ABCB4: variants seen among roughly 807,000 people sequenced by gnomAD.
The protein encoded by ABCB4 is ATP binding cassette subfamily B member 4.
A neutral mutation model predicts 145.7 loss-of-function variants in ABCB4; 76 were observed. The ratio of observed to expected loss-of-function variants is 0.52; its 90% confidence interval spans 0.43 to 0.63. ABCB4 has a LOEUF of 0.63. ABCB4 is among the 30% of genes least tolerant of loss of function. ABCB4 has a pLI of 0.00. For missense variants in ABCB4, 1,234 were observed against 1,553.1 expected (o/e 0.79, Z 3.45); for synonymous variants, 517 against 566.8 (o/e 0.91, Z 1.25).
the ABCB4 span, among the ~76,000 whole-genome samples, chr7:87,372,816 A>G: frequency 2.0e-5 from 3 of 152,220 alleles, no homozygotes; most frequent in African/African-American, 7.2e-5. Context: ...ATAACATTCT[A>G]TTTTACAGAT....
At chr7:87,385,554 T>G in the ABCB4 span, among the ~76,000 whole-genome samples, 1 of 152,206 alleles carries the variant, frequency 6.6e-6, no homozygotes, top group African/African-American at 2.4e-5. Context: ...TCTTGCAACT[T>G]TACTGAATTT....
chr7:87,419,446 T>C (rs1291392560), intron 19 of ABCB4, among the ~76,000 whole-genome samples: 1 of 152,218 alleles, frequency 6.6e-6, no homozygotes, highest in Non-Finnish European at 1.5e-5. Flanking sequence ...TAATGGATTA[T>C]ACAGTACCAG....
chr7:87,407,904 G>A, intron 25 of ABCB4, 133 bp downstream of exon 25: 6 of 1,094,970 alleles, frequency 5.5e-6, no homozygotes, highest in Non-Finnish European at 8.1e-6. Context: ...GTGCCAGTTG[G>A]GGTTTATAGA....
intron 4 of ABCB4, among the ~76,000 whole-genome samples, chr7:87,457,407 C>T (rs1812169950): frequency 6.6e-6 from 1 of 152,054 alleles, no homozygotes; most frequent in South Asian, 2.1e-4. Context: ...AAGACCCTGT[C>T]TCAAAAAAGA....
rs542262102 is a variant in ABCB4 at position 87,439,908 on chromosome 7, A to G, written c.1561-71T>C. The G allele has an allele frequency of 4.4e-6, 7 of 1,581,986 alleles. No individual in the cohort carries two copies. In the South Asian group the frequency reaches 5.5e-5, roughly 13 times the overall value. The stretch of plus-strand genomic sequence containing the variant: ...AAAAGGCTAGGAATTCTATAGAACT[A>G]CATAAAGACAACATGGAGCTTTGTC... On this transcript the variant is annotated intron_variant, in intron 13 of 27. Coordinates refer to ENST00000649586, the MANE Select transcript of ABCB4 (RefSeq NM_000443.4).
chr7:87,415,864 G>T (rs1808935619), intron 21 of ABCB4, among the ~76,000 whole-genome samples: 1 of 152,178 alleles, frequency 6.6e-6, no homozygotes, highest in Non-Finnish European at 1.5e-5. Flanking sequence ...TCTAAGAAAA[G>T]TTTATTTTCA....
At chr7:87,450,970 C>G (rs11983210) in intron 7 of ABCB4, among the ~76,000 whole-genome samples, 21 of 152,204 alleles carry the variant, frequency 1.4e-4, no homozygotes, top group African/African-American at 4.8e-4. Flanking sequence ...ATTTTATTGC[C>G]AGGCAAAACT....
At chr7:87,466,608 A>G (rs1812923533) in intron 3 of ABCB4, among the ~76,000 whole-genome samples, 1 of 152,222 alleles carries the variant, frequency 6.6e-6, no homozygotes, top group African/African-American at 2.4e-5. Flanking sequence ...CAGATTCGCC[A>G]AAGTTGAAAT....
intron 18 of ABCB4, 83 bp from the exon 19 acceptor site, chr7:87,420,158 G>T: frequency 1.5e-6 from 2 of 1,306,896 alleles, no homozygotes; most frequent in Non-Finnish European, 2.2e-6. Flanking sequence ...CTTTTATGTA[G>T]CAAAGTTATG....
intron 8 of ABCB4, among the ~76,000 whole-genome samples, chr7:87,447,687 AT>A (rs1811440352): frequency 6.6e-6 from 1 of 152,150 alleles, no homozygotes; most frequent in South Asian, 2.1e-4. Context: ...AGGGATGAAA[AT>A]TTTACATGTT....
chr7:87,452,244 T>A lies in ABCB4; in HGVS notation c.537-450A>T, dbSNP rs145229852. ...ATTCTCAACACAGCAGCCAGTGGGA[T>A]GCTTTGAAAATGCAAGTCTGACCAT... On this transcript the variant is annotated intron_variant, in intron 6 of 27. Coordinates refer to ENST00000649586, the MANE Select transcript of ABCB4 (RefSeq NM_000443.4). The A allele has an allele frequency of 8.4e-4, 205 of 244,376 alleles. 1 individual carries two copies. The highest frequency in any genetic ancestry group is 1.6e-3 in the Middle Eastern group (1 of 626). 15.1% of individuals were successfully genotyped at this position (244,376 alleles called of 1,614,324 possible).
At chr7:87,386,101 A>G in the ABCB4 span, among the ~76,000 whole-genome samples, 3 of 152,108 alleles carry the variant, frequency 2.0e-5, no homozygotes, top group Non-Finnish European at 2.9e-5. Context: ...ATCTGTGTTC[A>G]TCTGGGATAC....
At chr7:87,450,175 T>C in intron 7 of ABCB4, 83 bp from the exon 8 acceptor site, 1 of 1,568,630 alleles carries the variant, frequency 6.4e-7, no homozygotes, top group Non-Finnish European at 8.7e-7. Context: ...ACCTACTTTT[T>C]CTTCCCAAAC....
intron 26 of ABCB4, 43 bp downstream of exon 26, chr7:87,406,245 A>AT: frequency 6.3e-7 from 1 of 1,585,874 alleles, no homozygotes; most frequent in Non-Finnish European, 8.7e-7. Context: ...TGTTTGGGGG[A>AT]TAAAAAGTAG....
intron 4 of ABCB4, among the ~76,000 whole-genome samples, chr7:87,456,210 T>C (rs2116845789): frequency 6.6e-6 from 1 of 152,352 alleles, no homozygotes; most frequent in African/African-American, 2.4e-5. Context: ...AAAAATTGGG[T>C]GAAATCTTAA....
chr7:87,444,853 A>G lies in ABCB4; in HGVS notation c.1119+9T>C, dbSNP rs939244939. The G allele has an allele frequency of 3.1e-6, 5 of 1,593,186 alleles. No homozygotes were observed. Among genetic ancestry groups the G allele is most frequent in the Non-Finnish European group, 4.3e-6 (5 of 1,167,780 alleles). The stretch of plus-strand genomic sequence containing the variant: ...ACTTCTTTTGGCACTAAAATAATAA[A>G]TGACTTACATTATCAATAATATCAA... On this transcript the variant is annotated intron_variant, in intron 10 of 27. Coordinates refer to ENST00000649586, the MANE Select transcript of ABCB4 (RefSeq NM_000443.4).
intron 9 of ABCB4, among the ~76,000 whole-genome samples, chr7:87,445,608 T>C (rs1189356270): frequency 6.8e-6 from 1 of 147,246 alleles, no homozygotes; most frequent in Non-Finnish European, 1.5e-5. Flanking sequence ...ATTATTAGCA[T>C]AACTTAACTG....
chr7:87,467,722 G>T (rs1222669393), intron 3 of ABCB4, among the ~76,000 whole-genome samples: 1 of 152,182 alleles, frequency 6.6e-6, no homozygotes, highest in Non-Finnish European at 1.5e-5. Context: ...AATCAAACTA[G>T]AACTCAGGAT....
the ABCB4 span, among the ~76,000 whole-genome samples, chr7:87,376,971 A>G: frequency 0.048 from 7,362 of 152,196 alleles, 221 homozygotes; most frequent in Middle Eastern, 0.061. Context: ...GTAGGAAACG[A>G]ATTCTTAAAA....
Sources: gnomAD v4.1 joint callset for allele counts (sites outside exome capture counted in the v4.1 genomes callset) on GRCh38, gnomAD v4.1.1 for gene constraint, MANE v1.5 for transcripts, NCBI Gene and HGNC (gene_info 2026-07-23, HGNC 2026-07-21) for gene names.